GNG7: variants seen among roughly 807,000 people sequenced by gnomAD.
The protein encoded by GNG7 is G protein subunit gamma 7, also known as guanine nucleotide-binding protein G(I)/G(S)/G(O) subunit gamma-7.
In GNG7, 1 loss-of-function variant was observed where a neutral mutation model predicts 4.0. The observed-to-expected ratio is 0.25, with a 90% CI of 0.09 to 1.18. GNG7 has a LOEUF of 1.18. GNG7 is among the 50% of genes most tolerant of loss of function. GNG7 has a pLI of 0.50. For synonymous variants in GNG7, 34 were observed against 36.9 expected, an observed-to-expected ratio of 0.92 and a Z score of 0.29; for missense variants, 86 against 91.9, an observed-to-expected ratio of 0.94 and a Z score of 0.26.
chr19:2,540,506 G>C (rs1264860520), intron 3 of GNG7, among the ~76,000 whole-genome samples: 2 of 152,200 alleles, frequency 1.3e-5, no homozygotes, highest in Non-Finnish European at 2.9e-5. Context: ...TGCCCAGCCT[G>C]TGCAGAGGGT....
At position 2,525,971 on chromosome 19, in the gene GNG7, A is replaced by ATTTTTTTTTTTTTTTTTTTTTTTT. The variant is rs35639922; in HGVS notation, c.-37-5247_-37-5246insAAAAAAAAAAAAAAAAAAAAAAAA. ...ATTACAGGTGCCTGCCTCCACGCCA[A>ATTTTTTTTTTTTTTTTTTTTTTTT]TTTTTTTTTTTTTTTTTGAGACAGA... is the stretch of plus-strand genomic sequence containing the variant. On this transcript the variant is annotated intron_variant, in intron 3 of 4. Coordinates refer to ENST00000382159, the MANE Select transcript of GNG7 (RefSeq NM_052847.3). Among the ~76,000 whole-genome samples the ATTTTTTTTTTTTTTTTTTTTTTTT allele has an allele frequency of 7.5e-4, 57 of 75,662 alleles. 8 individuals carry two copies. The highest frequency in any genetic ancestry group is 9.9e-4 in the Non-Finnish European group (43 of 43,508). The allele number at this position is 75,662 out of a possible 152,430, so 49.6% of individuals were successfully genotyped here.
At chr19:2,578,008 T>G (rs919021749) in intron 2 of GNG7, among the ~76,000 whole-genome samples, 2 of 151,642 alleles carry the variant, frequency 1.3e-5, no homozygotes, top group Non-Finnish European at 2.9e-5. Context: ...CGGCTAATTC[T>G]TTTATTTTTT....
At chr19:2,543,599 T>C (rs531935258) in intron 3 of GNG7, among the ~76,000 whole-genome samples, 1 of 152,258 alleles carries the variant, frequency 6.6e-6, no homozygotes, top group South Asian at 2.1e-4. Flanking sequence ...TGCTTCTCCA[T>C]GAGCCGAGCA....
At chr19:2,632,842 A>T (rs1483493574) in intron 2 of GNG7, 1 of 152,268 alleles carries the variant, frequency 6.6e-6, no homozygotes, top group Non-Finnish European at 1.5e-5. Flanking sequence ...ATAAATAAGT[A>T]AAGCTGAGGC....
At chr19:2,647,058 A>G (rs1982684922) in intron 1 of GNG7, among the ~76,000 whole-genome samples, 1 of 152,154 alleles carries the variant, frequency 6.6e-6, no homozygotes, top group African/African-American at 2.4e-5. Flanking sequence ...CTGGCACCAC[A>G]TGCCTGAGGC....
Position 2,523,341 on chromosome 19 carries a change from C to T in GNG7, c.-37-2616G>A, listed in dbSNP as rs565957229. On this transcript the variant is annotated intron_variant, in intron 3 of 4. Coordinates refer to ENST00000382159, the MANE Select transcript of GNG7 (RefSeq NM_052847.3). ...CTGAGATGCGAGGATCACTTGAGTC[C>T]AGGAGTTTGAGGCCAGCCTAGGCAA... Among the ~76,000 whole-genome samples the T allele has an allele frequency of 3.3e-5, 5 of 151,454 alleles. No individual in the cohort carries two copies. In the East Asian group the frequency reaches 9.8e-4, roughly 30 times the overall value.
intron 1 of GNG7, among the ~76,000 whole-genome samples, chr19:2,671,621 G>A (rs1326950085): frequency 1.3e-5 from 2 of 152,048 alleles, no homozygotes; most frequent in Admixed American, 6.6e-5. Context: ...GTAGCATGCG[G>A]AGCCCCAGAG....
intron 2 of GNG7, among the ~76,000 whole-genome samples, chr19:2,603,651 T>G (rs184428094): frequency 1.3e-4 from 20 of 152,164 alleles, no homozygotes; most frequent in African/African-American, 4.8e-4. Context: ...AAACCAACCA[T>G]CTGGAGAATG....
rs979621833 is a variant in GNG7 at position 2,611,171 on chromosome 19, G to A, written c.-78+35053C>T. 2 of 152,290 alleles carry A rather than the reference G, an allele frequency of 1.3e-5. No homozygotes were observed. Among genetic ancestry groups the A allele is most frequent in the South Asian group, 4.1e-4 (2 of 4,834 alleles). The allele number at this position is 152,290 out of a possible 1,614,324, so 9.4% of individuals were successfully genotyped here. On this transcript the variant is annotated intron_variant, in intron 2 of 4. Coordinates refer to ENST00000382159, the MANE Select transcript of GNG7 (RefSeq NM_052847.3). The surrounding 1 kb of genome is among the most constrained non-coding windows in gnomAD (Gnocchi z 6.0). ...CCCTTACTAAGCCGCTCAGCCCAGG[G>A]ATCCAGGGCCCTGGCGAGACAGCCT...
Position 2,665,650 on chromosome 19 carries a change from C to T in GNG7, c.-134-19370G>A, listed in dbSNP as rs561212824. 4.6e-5 allele frequency among the ~76,000 whole-genome samples: 7 copies of T among 152,276 alleles called. 1 individual carries two copies. Among genetic ancestry groups the T allele is most frequent in the African/African-American group, 1.7e-4 (7 of 41,554 alleles). On this transcript the variant is annotated intron_variant, in intron 1 of 4. Coordinates refer to ENST00000382159, the MANE Select transcript of GNG7 (RefSeq NM_052847.3). ...TCTGACTTCACGACTCGCTGTCTGG[C>T]TGGGTGACCTTCAGTCCCTTGCCAC...
chr19:2,690,595 T>C (rs991760706), intron 1 of GNG7, among the ~76,000 whole-genome samples: 1 of 146,532 alleles, frequency 6.8e-6, no homozygotes, highest in Admixed American at 6.8e-5. Flanking sequence ...GGCTCAGGTC[T>C]TTTTTTTTTT....
intron 1 of GNG7, among the ~76,000 whole-genome samples, chr19:2,699,901 C>G (rs961334256): frequency 6.6e-6 from 1 of 152,152 alleles, no homozygotes; most frequent in African/African-American, 2.4e-5. Flanking sequence ...TGGTTCCTTA[C>G]GGGGTGCCCC....
intron 3 of GNG7, among the ~76,000 whole-genome samples, chr19:2,534,826 CCTAT>C (rs1219547752): frequency 2.0e-5 from 3 of 152,196 alleles, no homozygotes; most frequent in Admixed American, 2.0e-4. Context: ...GCTGGAAAAA[CCTAT>C]CTGTCAGCTT....
intron 1 of GNG7, among the ~76,000 whole-genome samples, chr19:2,677,809 G>A (rs59783380): frequency 0.26 from 39,267 of 151,790 alleles, 5,453 homozygotes; most frequent in East Asian, 0.55. Context: ...CACAACTCGG[G>A]GTGTCCCTGG....
chr19:2,645,000 T>A (rs1290568134), intron 2 of GNG7, among the ~76,000 whole-genome samples: 1 of 152,210 alleles, frequency 6.6e-6, no homozygotes, highest in African/African-American at 2.4e-5. Flanking sequence ...TGATTTATAC[T>A]GGGCTTAGCT....
chr19:2,675,467 G>T (rs1375595432), intron 1 of GNG7, among the ~76,000 whole-genome samples: 1 of 152,212 alleles, frequency 6.6e-6, no homozygotes, highest in Admixed American at 6.5e-5. Context: ...GAGGTCGCTT[G>T]ACGGTAAAGA....
At chr19:2,643,881 A>G in intron 2 of GNG7, 1 of 331,108 alleles carries the variant, frequency 3.0e-6, no homozygotes, top group South Asian at 2.4e-5. Context: ...CCTCCAGGCG[A>G]CCTCTGATCT....
At chr19:2,607,386 G>A (rs1177781838) in intron 2 of GNG7, among the ~76,000 whole-genome samples, 9 of 151,346 alleles carry the variant, frequency 5.9e-5, no homozygotes, top group South Asian at 4.2e-4. Flanking sequence ...AAAATTAGCC[G>A]AGCATGATGG....
intron 1 of GNG7, among the ~76,000 whole-genome samples, chr19:2,696,528 C>G (rs1015606170): frequency 1.3e-5 from 2 of 152,250 alleles, no homozygotes; most frequent in African/African-American, 4.8e-5. Context: ...CATCCCAGCA[C>G]TGTGCTCCAT....
Sources: allele counts gnomAD v4.1 joint callset (sites outside exome capture counted in the v4.1 genomes callset), GRCh38; gene constraint gnomAD v4.1.1; non-coding constraint Gnocchi (gnomAD v3.1); transcripts MANE v1.5; gene names NCBI Gene and HGNC (gene_info 2026-07-23, HGNC 2026-07-21).